The following NDUFA5 variants were observed in gnomAD, a reference collection of about 807,000 sequenced individuals.
The protein encoded by NDUFA5 is NADH:ubiquinone oxidoreductase subunit A5, also known as NADH dehydrogenase [ubiquinone] 1 alpha subcomplex subunit 5.
In NDUFA5, 11 loss-of-function variants were observed where a neutral mutation model predicts 19.8. That is an observed-to-expected ratio of 0.56 (90% CI 0.35 to 0.92). The LOEUF is 0.92. Ranked by LOEUF, NDUFA5 falls within the 40% of genes least tolerant of loss-of-function variation. NDUFA5 has a pLI of 0.01. For synonymous variants in NDUFA5, 47 were observed against 46.8 expected (o/e 1.00, Z -0.01); for missense variants, 109 against 134.2 (o/e 0.81, Z 0.93).
chr7:123,545,147 G>T (rs1525630), intron 4 of NDUFA5, among the ~76,000 whole-genome samples: 1 of 152,016 alleles, frequency 6.6e-6, no homozygotes, highest in Non-Finnish European at 1.5e-5. Flanking sequence ...AAATAATGTA[G>T]AATTAAGCTC....
the NDUFA5 span, among the ~76,000 whole-genome samples, chr7:123,583,668 A>T: frequency 1.3e-5 from 2 of 151,966 alleles, no homozygotes; most frequent in Non-Finnish European, 2.9e-5. Flanking sequence ...GAGAAGGCAC[A>T]GGAAAGAGGA....
At chr7:123,545,298 T>C (rs1301832951) in intron 4 of NDUFA5, among the ~76,000 whole-genome samples, 4 of 152,100 alleles carry the variant, frequency 2.6e-5, no homozygotes, top group Non-Finnish European at 5.9e-5. Context: ...TAAAATAAGA[T>C]ACAACTATTA....
the NDUFA5 span, among the ~76,000 whole-genome samples, chr7:123,563,331 A>G: frequency 6.6e-6 from 1 of 152,166 alleles, no homozygotes; most frequent in Non-Finnish European, 1.5e-5. Context: ...CCATTGCAGC[A>G]TTATTAACTG....
chr7:123,577,695 C>T, the NDUFA5 span, among the ~76,000 whole-genome samples: 3 of 151,954 alleles, frequency 2.0e-5, no homozygotes, highest in African/African-American at 7.3e-5. Context: ...GACATCAATC[C>T]GTTATTAGAT....
At chr7:123,575,036 C>T in the NDUFA5 span, among the ~76,000 whole-genome samples, 1 of 145,938 alleles carries the variant, frequency 6.9e-6, no homozygotes, top group African/African-American at 2.5e-5. Flanking sequence ...GGCTTACTTG[C>T]ATTTAATATG....
chr7:123,540,196 TAGTC>T lies in NDUFA5; in HGVS notation c.*1919_*1922del, dbSNP rs1415564326. The T allele has an allele frequency of 2.0e-5, 3 of 152,224 alleles. No homozygotes were observed. The highest frequency in any genetic ancestry group is 2.9e-5 in the Non-Finnish European group (2 of 68,042). 9.4% of individuals were successfully genotyped at this position (152,224 alleles called of 1,614,324 possible). A position where few individuals can be genotyped will look rare whatever the true frequency, so the allele number is the denominator to read the frequency against. On this transcript the variant is annotated 3_prime_UTR_variant, in exon 5 of 5. Coordinates refer to ENST00000355749, the MANE Select transcript of NDUFA5 (RefSeq NM_005000.5). ...GTAGTGCAGGTTTAATGAGTGAAAT[TAGTC>T]AGGTACTTATGATAGTGCCTGACAT...
the NDUFA5 span, among the ~76,000 whole-genome samples, chr7:123,571,802 T>C: frequency 6.6e-6 from 1 of 152,204 alleles, no homozygotes; most frequent in Non-Finnish European, 1.5e-5. Context: ...TTTGCATTTG[T>C]TTCCCAAGCT....
intron 4 of NDUFA5, among the ~76,000 whole-genome samples, chr7:123,542,424 A>T (rs1797973851): frequency 6.6e-6 from 1 of 152,138 alleles, no homozygotes; most frequent in Non-Finnish European, 1.5e-5. Context: ...ATCTTTTGTT[A>T]TCTTCTATTT....
the NDUFA5 span, among the ~76,000 whole-genome samples, chr7:123,566,695 CATAAAT>C: frequency 6.6e-6 from 1 of 152,148 alleles, no homozygotes; most frequent in South Asian, 2.1e-4. Flanking sequence ...TATACATTTT[CATAAAT>C]ATAAAGAAAC....
chr7:123,579,830 G>A, the NDUFA5 span, among the ~76,000 whole-genome samples: 1 of 152,036 alleles, frequency 6.6e-6, no homozygotes, highest in Non-Finnish European at 1.5e-5. Context: ...TAGACATTTA[G>A]TTTAAGTGAG....
chr7:123,568,723 A>T, the NDUFA5 span, among the ~76,000 whole-genome samples: 1 of 152,170 alleles, frequency 6.6e-6, no homozygotes, highest in East Asian at 1.9e-4. Context: ...ATTTTGTGGG[A>T]TTAAAATAAA....
rs1172074331 is a variant in NDUFA5 at position 123,537,805 on chromosome 7, G to C, written c.*4314C>G. 6.7e-6 allele frequency: 1 copy of C among 149,276 alleles called. No homozygotes were observed. The highest frequency in any genetic ancestry group is 1.5e-5 in the Non-Finnish European group (1 of 67,504). 9.2% of individuals were successfully genotyped at this position (149,276 alleles called of 1,614,324 possible). A position where few individuals can be genotyped will look rare whatever the true frequency, so the allele number is the denominator to read the frequency against. On this transcript the variant is annotated 3_prime_UTR_variant, in exon 5 of 5. Transcript: ENST00000355749. ...ATAATTCACCCTCCAGTTATAGAGA[G>C]ATTAAAATGCCAATATTTTGTAAAA...
the NDUFA5 span, among the ~76,000 whole-genome samples, chr7:123,598,462 C>A: frequency 6.6e-6 from 1 of 152,030 alleles, no homozygotes; most frequent in African/African-American, 2.4e-5. Context: ...ACTTGAAATG[C>A]CTTTCACAAT....
intron 1 of NDUFA5, 144 bp from the exon 2 acceptor site, chr7:123,557,592 T>A (rs929385500): frequency 3.1e-6 from 5 of 1,612,378 alleles, no homozygotes; most frequent in Non-Finnish European, 4.2e-6. Context: ...TGTTTGGAGC[T>A]TTTTTCCTGA....
chr7:123,597,016 C>T, the NDUFA5 span, among the ~76,000 whole-genome samples: 45,065 of 152,058 alleles, frequency 0.3, 6,823 homozygotes, highest in East Asian at 0.4. Context: ...GTCAGAATTA[C>T]AAGAGACTGG....
chr7:123,542,589 GT>G (rs2117451657), intron 4 of NDUFA5, among the ~76,000 whole-genome samples: 1 of 152,178 alleles, frequency 6.6e-6, no homozygotes, highest in South Asian at 2.1e-4. Context: ...AAGAAAATAT[GT>G]TTTATTTTGA....
At chr7:123,546,072 T>C (rs1798121003) in intron 3 of NDUFA5, among the ~76,000 whole-genome samples, 1 of 152,126 alleles carries the variant, frequency 6.6e-6, no homozygotes, top group Non-Finnish European at 1.5e-5. Flanking sequence ...AAATGCATAA[T>C]ATATTTTTTA....
At chr7:123,548,859 A>G (rs1396484879) in intron 3 of NDUFA5, among the ~76,000 whole-genome samples, 1 of 152,210 alleles carries the variant, frequency 6.6e-6, no homozygotes, top group Admixed American at 6.6e-5. Context: ...TAAGCAAGAC[A>G]GCACAGTTGG....
the NDUFA5 span, among the ~76,000 whole-genome samples, chr7:123,583,084 G>T: frequency 6.6e-6 from 1 of 151,866 alleles, no homozygotes; most frequent in Admixed American, 6.6e-5. Context: ...GTTCAGATGA[G>T]AGAACATAAA....
Sources: gnomAD v4.1 joint callset for allele counts (sites outside exome capture counted in the v4.1 genomes callset) on GRCh38, gnomAD v4.1.1 for gene constraint, MANE v1.5 for transcripts, NCBI Gene and HGNC (gene_info 2026-07-23, HGNC 2026-07-21) for gene names.